ROBO2: variants seen among roughly 807,000 people sequenced by gnomAD.
ROBO2 encodes roundabout homolog 2.
ROBO2 carries 53 observed loss-of-function variants against 160.8 expected under a neutral mutation model. That is an observed-to-expected ratio of 0.33 (90% CI 0.26 to 0.41). The LOEUF is 0.41. Ranked by LOEUF, ROBO2 falls within the 10% of genes least tolerant of loss-of-function variation. The pLI is 1.00. For synonymous variants in ROBO2, 664 were observed against 611.7 expected, an observed-to-expected ratio of 1.09 and a Z score of -1.26; for missense variants, 1,577 against 1,722.4, an observed-to-expected ratio of 0.92 and a Z score of 1.49.
intron 2 of ROBO2, among the ~76,000 whole-genome samples, chr3:76,445,556 T>C (rs552656471): frequency 6.6e-4 from 100 of 152,284 alleles, no homozygotes; most frequent in African/African-American, 2.3e-3. Context: ...AGCTTCATCC[T>C]GATACCAAAG....
intron 4 of ROBO2, among the ~76,000 whole-genome samples, chr3:77,492,990 A>G (rs923843727): frequency 6.6e-6 from 1 of 152,178 alleles, no homozygotes; most frequent in African/African-American, 2.4e-5. Flanking sequence ...GATTCACTGA[A>G]AAATCAATTT....
At chr3:76,833,062 G>A (rs1224832728) in intron 2 of ROBO2, among the ~76,000 whole-genome samples, 1 of 152,022 alleles carries the variant, frequency 6.6e-6, no homozygotes, top group Non-Finnish European at 1.5e-5. Context: ...GTGAATACAA[G>A]AGACTTGGCC....
chr3:76,157,528 C>A (rs2072455714), intron 2 of ROBO2, among the ~76,000 whole-genome samples: 1 of 152,034 alleles, frequency 6.6e-6, no homozygotes, highest in South Asian at 2.1e-4. Context: ...TAATTATAGA[C>A]AGATGTATAT....
intron 2 of ROBO2, among the ~76,000 whole-genome samples, chr3:77,220,937 AT>A (rs1341023074): frequency 6.6e-6 from 1 of 152,232 alleles, no homozygotes; most frequent in African/African-American, 2.4e-5. Context: ...TTATAAAAAA[AT>A]AGAGGAAATA....
chr3:77,036,788 C>G (rs1212118802), upstream of ROBO2, among the ~76,000 whole-genome samples: 2 of 151,806 alleles, frequency 1.3e-5, no homozygotes, highest in African/African-American at 4.8e-5. Context: ...GTATCTTAAG[C>G]TCTCTGATGT....
intron 2 of ROBO2, among the ~76,000 whole-genome samples, chr3:77,021,557 T>C (rs2062638882): frequency 6.6e-6 from 1 of 152,144 alleles, no homozygotes; most frequent in Non-Finnish European, 1.5e-5. Flanking sequence ...TCCTGCCCTA[T>C]ACCCAACAGG....
chr3:76,355,158 G>A (rs569669663), intron 2 of ROBO2, among the ~76,000 whole-genome samples: 9 of 151,618 alleles, frequency 5.9e-5, no homozygotes, highest in African/African-American at 9.7e-5. Context: ...TAAGCAAACC[G>A]CCACACATTT....
intron 2 of ROBO2, among the ~76,000 whole-genome samples, chr3:76,120,946 C>T (rs2070728075): frequency 6.6e-6 from 1 of 152,080 alleles, no homozygotes; most frequent in Non-Finnish European, 1.5e-5. Flanking sequence ...CCTATAGTAT[C>T]TACTAGATTG....
At chr3:76,492,173 TAGC>T (rs1357433990) in intron 2 of ROBO2, among the ~76,000 whole-genome samples, 2 of 152,112 alleles carry the variant, frequency 1.3e-5, no homozygotes, top group Non-Finnish European at 2.9e-5. Context: ...TAGCTATTAT[TAGC>T]ACATTTAAAA....
intron 2 of ROBO2, among the ~76,000 whole-genome samples, chr3:77,400,091 A>G (rs2075656826): frequency 6.6e-6 from 1 of 152,204 alleles, no homozygotes; most frequent in South Asian, 2.1e-4. Context: ...TAATGAAAGC[A>G]TTGACATTGA....
intron 2 of ROBO2, among the ~76,000 whole-genome samples, chr3:76,878,404 T>G (rs2148725350): frequency 6.6e-6 from 1 of 152,316 alleles, no homozygotes; most frequent in South Asian, 2.1e-4. Flanking sequence ...TCACTAAAAT[T>G]TATTCTTTTG....
At chr3:77,252,733 G>A (rs542597138) in intron 2 of ROBO2, among the ~76,000 whole-genome samples, 15 of 144,150 alleles carry the variant, frequency 1.0e-4, no homozygotes, top group East Asian at 6.2e-4. Flanking sequence ...GCGTGAATCC[G>A]GGAGGCAGAG....
At chr3:76,227,188 A>G (rs1704340476) in intron 2 of ROBO2, among the ~76,000 whole-genome samples, 1 of 152,218 alleles carries the variant, frequency 6.6e-6, no homozygotes, top group Non-Finnish European at 1.5e-5. Context: ...TGAATCAGAT[A>G]CTTTTTGAGA....
chr3:75,941,676 G>C (rs573446167), intron 2 of ROBO2, among the ~76,000 whole-genome samples: 66 of 152,200 alleles, frequency 4.3e-4, no homozygotes, highest in Non-Finnish European at 8.4e-4. Context: ...TTTTGGGTCA[G>C]CTATTAAGCA....
intron 6 of ROBO2, among the ~76,000 whole-genome samples, chr3:77,545,225 C>G (rs1177272084): frequency 9.9e-5 from 15 of 152,218 alleles, no homozygotes; most frequent in East Asian, 1.9e-4. Context: ...CTCAGTTTGA[C>G]TTCTGAAACC....
intron 2 of ROBO2, among the ~76,000 whole-genome samples, chr3:76,773,577 A>T (rs1343471182): frequency 6.7e-6 from 1 of 149,744 alleles, no homozygotes; most frequent in Non-Finnish European, 1.5e-5. Flanking sequence ...TACAAGATTA[A>T]TTTTTTTTTA....
At chr3:76,426,148 A>G (rs944667547) in intron 2 of ROBO2, among the ~76,000 whole-genome samples, 2 of 152,140 alleles carry the variant, frequency 1.3e-5, no homozygotes, top group East Asian at 1.9e-4. Context: ...CGGTTTTTGA[A>G]AAAGTTTGGA....
At chr3:76,750,253 A>G (rs2108213119) in intron 2 of ROBO2, among the ~76,000 whole-genome samples, 1 of 152,276 alleles carries the variant, frequency 6.6e-6, no homozygotes, top group Admixed American at 6.5e-5. Context: ...ACAGTCCTTC[A>G]TGCTAAAAAC....
intron 2 of ROBO2, among the ~76,000 whole-genome samples, chr3:76,198,532 G>C (rs535719057): frequency 6.6e-6 from 1 of 152,174 alleles, no homozygotes; most frequent in Admixed American, 6.5e-5. Flanking sequence ...CTCTGCAAAG[G>C]GGTCTCTTGT....
Sources: gnomAD v4.1 joint callset for allele counts (sites outside exome capture counted in the v4.1 genomes callset) on GRCh38, gnomAD v4.1.1 for gene constraint, MANE v1.5 for transcripts, NCBI Gene and HGNC (gene_info 2026-07-23, HGNC 2026-07-21) for gene names.